Variants in VCF1 observed in about 807,000 individuals in gnomAD.
VCF1 encodes the protein protein VCF1.
the VCF1 span, chr17:73,209,492 G>T: frequency 6.4e-7 from 1 of 1,557,896 alleles, no homozygotes; most frequent in Non-Finnish European, 8.7e-7. Flanking sequence ...TCTGCACAGC[G>T]CTGTCCCTTC....
At chr17:73,221,892 G>A in the VCF1 span, among the ~76,000 whole-genome samples, 1 of 152,040 alleles carries the variant, frequency 6.6e-6, no homozygotes, top group Admixed American at 6.6e-5. Context: ...AAATTAGCTG[G>A]GCGTGGTGGC....
the VCF1 span, among the ~76,000 whole-genome samples, chr17:73,210,485 G>T: frequency 7.0e-6 from 1 of 142,040 alleles, no homozygotes. Context: ...TCATTCTGCA[G>T]TTCATGTTTT....
At chr17:73,210,769 T>C in the VCF1 span, among the ~76,000 whole-genome samples, 1 of 151,070 alleles carries the variant, frequency 6.6e-6, no homozygotes, top group South Asian at 2.1e-4. Context: ...TTTTTTTTTT[T>C]TTTTTTTTTT....
the VCF1 span, chr17:73,227,227 G>A: frequency 1.3e-6 from 2 of 1,580,610 alleles, no homozygotes; most frequent in Non-Finnish European, 1.7e-6. Context: ...TGGGGGGGAA[G>A]ATGGTTGTCT....
chr17:73,207,634 G>A, the VCF1 span: 1 of 1,173,260 alleles, frequency 8.5e-7, no homozygotes. Context: ...TTAGTTGGGT[G>A]GGAAGTAACA....
the VCF1 span, among the ~76,000 whole-genome samples, chr17:73,218,595 G>C: frequency 6.6e-6 from 1 of 152,200 alleles, no homozygotes; most frequent in South Asian, 2.1e-4. Context: ...GTTTCAATAA[G>C]AAACTGCTGC....
chr17:73,225,900 T>TATATAATATATATATATATATATA, the VCF1 span, among the ~76,000 whole-genome samples: 1 of 77,894 alleles, frequency 1.3e-5, no homozygotes, highest in Non-Finnish European at 2.2e-5. Context: ...TATATATATA[T>TATATAATATATATATATATATATA]TTTTTTTTTT....
chr17:73,211,253 C>T, the VCF1 span, among the ~76,000 whole-genome samples: 3 of 151,290 alleles, frequency 2.0e-5, no homozygotes, highest in South Asian at 2.1e-4. Flanking sequence ...TGCAGGAGTT[C>T]GAGACCTGGC....
At chr17:73,209,676 G>A in the VCF1 span, 2 of 1,550,644 alleles carry the variant, frequency 1.3e-6, no homozygotes, top group South Asian at 2.4e-5. Flanking sequence ...CCATGGTCTG[G>A]CTCAAGCTGC....
the VCF1 span, among the ~76,000 whole-genome samples, chr17:73,226,913 A>G: frequency 0.51 from 77,975 of 152,028 alleles, 20,097 homozygotes; most frequent in East Asian, 0.6. Context: ...GGCTTTCAAA[A>G]AGCCACGAAA....
chr17:73,214,316 TA>T, the VCF1 span, among the ~76,000 whole-genome samples: 80,137 of 143,664 alleles, frequency 0.56, 22,100 homozygotes, highest in Non-Finnish European at 0.61. Flanking sequence ...CAACCAGCAT[TA>T]AAAAAAAAAA....
chr17:73,218,862 AC>A, the VCF1 span, among the ~76,000 whole-genome samples: 30 of 152,264 alleles, frequency 2.0e-4, no homozygotes, highest in African/African-American at 7.2e-4. Context: ...TACTAAAAAT[AC>A]AAAAAAATTA....
At chr17:73,226,144 G>A in the VCF1 span, among the ~76,000 whole-genome samples, 20 of 151,904 alleles carry the variant, frequency 1.3e-4, no homozygotes, top group African/African-American at 4.6e-4. Context: ...CTCGTGATCT[G>A]CCCACCTTGG....
chr17:73,229,153 G>T, the VCF1 span: 11 of 985,422 alleles, frequency 1.1e-5, no homozygotes, highest in Non-Finnish European at 1.3e-5. Flanking sequence ...TAAATTACTT[G>T]ATCTCTCAAG....
chr17:73,228,057 T>A, the VCF1 span, among the ~76,000 whole-genome samples: 1 of 152,232 alleles, frequency 6.6e-6, no homozygotes, highest in Non-Finnish European at 1.5e-5. Flanking sequence ...TTATTTACAT[T>A]TAAATTAACT....
At chr17:73,225,902 T>A in the VCF1 span, among the ~76,000 whole-genome samples, 32,987 of 95,980 alleles carry the variant, frequency 0.34, 4,792 homozygotes, top group South Asian at 0.39. Flanking sequence ...TATATATATT[T>A]TTTTTTTTTT....
chr17:73,210,571 C>G, the VCF1 span, among the ~76,000 whole-genome samples: 1 of 151,090 alleles, frequency 6.6e-6, no homozygotes, highest in East Asian at 1.9e-4. Context: ...GAGGGTGACA[C>G]GAAGGACCCA....
At chr17:73,215,217 C>A in the VCF1 span, among the ~76,000 whole-genome samples, 1 of 152,168 alleles carries the variant, frequency 6.6e-6, no homozygotes, top group African/African-American at 2.4e-5. Flanking sequence ...TCCTTATAAC[C>A]GCAGACATCT....
At chr17:73,207,362 A>G in the VCF1 span, 1 of 1,027,964 alleles carries the variant, frequency 9.7e-7, no homozygotes. Flanking sequence ...CTGAATGACA[A>G]AATGCACTAA....
Sources: gnomAD v4.1 joint callset for allele counts (sites outside exome capture counted in the v4.1 genomes callset) on GRCh38, gnomAD v4.1.1 for gene constraint, MANE v1.5 for transcripts, NCBI Gene and HGNC (gene_info 2026-07-23, HGNC 2026-07-21) for gene names.